The following HMCN1 variants were observed in gnomAD, a reference collection of about 807,000 sequenced individuals.
The protein encoded by HMCN1 is hemicentin-1.
Under a neutral mutation model 625.9 loss-of-function variants are expected in HMCN1, and 321 were observed. That is an observed-to-expected ratio of 0.51 (90% CI 0.47 to 0.56). The LOEUF (loss-of-function observed/expected upper bound fraction) is 0.56. Ranked by LOEUF, HMCN1 falls within the 20% of genes least tolerant of loss-of-function variation. The pLI, the probability that HMCN1 is intolerant of heterozygous loss-of-function variation, is 0.00. For missense variants in HMCN1, 6,588 were observed against 6,887.3 expected (o/e 0.96, Z 1.54); for synonymous variants, 2,425 against 2,417.6 (o/e 1.00, Z -0.09).
intron 26 of HMCN1, among the ~76,000 whole-genome samples, chr1:186,000,571 G>GTGTGTGTGTA (rs1488661349): frequency 2.2e-5 from 3 of 139,476 alleles, no homozygotes; most frequent in African/African-American, 9.8e-5. Context: ...GTGTGTGTGT[G>GTGTGTGTGTA]TGTGTGTGTG....
At chr1:185,865,582 TACACACACACACACACACACACAC>T (rs56891910) in intron 3 of HMCN1, among the ~76,000 whole-genome samples, 135 bp from the exon 4 acceptor site, 151 of 135,286 alleles carry the variant, frequency 1.1e-3, no homozygotes, top group African/African-American at 3.9e-3. Context: ...TATATAAGCA[TACACACACACACACACACACACAC>T]ACACACACAC....
intron 1 of HMCN1, among the ~76,000 whole-genome samples, chr1:185,835,265 G>C (rs187660794): frequency 6.6e-6 from 1 of 152,338 alleles, no homozygotes; most frequent in Non-Finnish European, 1.5e-5. Context: ...TGTGCTATCA[G>C]TTGGTATGGG....
At chr1:186,108,152 G>A (rs1369262588) in intron 70 of HMCN1, among the ~76,000 whole-genome samples, 1 of 150,912 alleles carries the variant, frequency 6.6e-6, no homozygotes, top group African/African-American at 2.4e-5. Flanking sequence ...ACTACCAAGT[G>A]TATAACCCGG....
chr1:186,122,786 A>C (rs939969465), intron 80 of HMCN1, among the ~76,000 whole-genome samples, 165 bp from the exon 81 acceptor site: 8 of 152,154 alleles, frequency 5.3e-5, no homozygotes, highest in African/African-American at 1.9e-4. Context: ...GCGCCCAGAT[A>C]ATTTTTTGTT....
intron 11 of HMCN1, among the ~76,000 whole-genome samples, chr1:185,954,984 C>A (rs928147380): frequency 6.6e-6 from 1 of 152,006 alleles, no homozygotes; most frequent in African/African-American, 2.4e-5. Context: ...GTGGAACTAT[C>A]CCCCAGGTAA....
chr1:185,917,751 C>A (rs777942137), intron 6 of HMCN1, among the ~76,000 whole-genome samples: 3 of 152,170 alleles, frequency 2.0e-5, no homozygotes, highest in Admixed American at 6.5e-5. Context: ...ATTTAACAGG[C>A]CTTCTTCGCC....
intron 79 of HMCN1, 45 bp downstream of exon 79, chr1:186,119,927 T>A: frequency 6.2e-7 from 1 of 1,614,006 alleles, no homozygotes; most frequent in Non-Finnish European, 8.5e-7. Flanking sequence ...AGCACATCAG[T>A]GTTTTATAAT....
At chr1:186,132,635 T>C (rs927564447) in intron 86 of HMCN1, among the ~76,000 whole-genome samples, 11 of 146,116 alleles carry the variant, frequency 7.5e-5, no homozygotes, top group African/African-American at 2.9e-4. Context: ...AGATTGCAAT[T>C]GATTGGTGGC....
chr1:185,995,186 AG>A (rs1318952383), intron 24 of HMCN1, 99 bp downstream of exon 24: 8 of 1,123,156 alleles, frequency 7.1e-6, no homozygotes, highest in Non-Finnish European at 1.1e-5. Flanking sequence ...AAATGACTTC[AG>A]AAAGAGTTCT....
chr1:185,950,667 A>G lies in HMCN1; in HGVS notation c.1829-11851A>G, dbSNP rs376359796. Among the ~76,000 whole-genome samples, 172 of 148,942 alleles carry G rather than the reference A, an allele frequency of 1.2e-3. 1 individual carries two copies. The highest frequency in any genetic ancestry group is 9.8e-4 in the East Asian group (5 of 5,120). On this transcript the variant is annotated intron_variant, in intron 11 of 106. Transcript: ENST00000271588. ...ATGGGGGCTGTCTGTGAAGCTTTGC[A>G]GCAGTACAGCCTAGGTAATTTGCTG...
chr1:186,044,460 AAC>A (rs1395209854), intron 40 of HMCN1, among the ~76,000 whole-genome samples: 4 of 152,192 alleles, frequency 2.6e-5, no homozygotes, highest in African/African-American at 9.6e-5. Context: ...CAGACATGGT[AAC>A]AGAGAAACCT....
At chr1:186,167,441 C>T (rs1651948318) in intron 100 of HMCN1, among the ~76,000 whole-genome samples, 1 of 152,184 alleles carries the variant, frequency 6.6e-6, no homozygotes, top group African/African-American at 2.4e-5. Flanking sequence ...ATCAATATCT[C>T]ACACCAGGGC....
rs1294969613 is a variant in HMCN1 at position 186,178,458 on chromosome 1, AGTGCTCC to A, written c.15987_15993del (p.Cys5330ThrfsTer17). 1.9e-6 allele frequency: 3 copies of A among 1,613,974 alleles called. No homozygotes were observed. Among genetic ancestry groups the A allele is most frequent in the Non-Finnish European group, 2.5e-6 (3 of 1,179,998 alleles). ...CAAGTGCCTAAACCTTGTGCACATC[AGTGCTCC>A]AACACCCCCGGCAGCTTCAAGTGTA... On this transcript the variant is annotated frameshift_variant, in exon 104 of 107. Coordinates refer to ENST00000271588, the MANE Select transcript of HMCN1 (RefSeq NM_031935.3). LOFTEE classifies it high-confidence loss of function.
At chr1:186,084,336 C>T (rs763333303) in intron 57 of HMCN1, among the ~76,000 whole-genome samples, 18 of 152,118 alleles carry the variant, frequency 1.2e-4, no homozygotes, top group Non-Finnish European at 2.2e-4. Flanking sequence ...ACAGTAGAAA[C>T]ACCTGAAGTG....
intron 60 of HMCN1, 35 bp downstream of exon 60, chr1:186,087,680 C>G: frequency 6.3e-7 from 1 of 1,582,686 alleles, no homozygotes; most frequent in Non-Finnish European, 8.7e-7. Context: ...TGTCATGACA[C>G]CTTGGTGGGG....
In HMCN1 at chr1:186,119,731, T is replaced by C; in HGVS notation, c.11957-14T>C. Reference sequence around the variant, plus strand: ...AGTGCTATTACTTCTTTTTGTTGATTGGTTTTTTTATAGAGCCTCCAGTCA... The same window carrying C: ...AGTGCTATTACTTCTTTTTGTTGATCGGTTTTTTTATAGAGCCTCCAGTCA... On this transcript the variant is annotated splice_polypyrimidine_tract_variant and intron_variant, in intron 78 of 106. Transcript: ENST00000271588. 6.2e-7 allele frequency: 1 copy of C among 1,613,664 alleles called. No homozygotes were observed.
chr1:185,885,084 T>TG lies in HMCN1; in HGVS notation c.621+19222dup, dbSNP rs150965400. Reference sequence around the variant, plus strand: ...CATCCTTGGACATGCCTTCATTTTATGTTTTTTTTTTGGTAGTGGTCCTTG... The same window carrying TG: ...CATCCTTGGACATGCCTTCATTTTATGGTTTTTTTTTTGGTAGTGGTCCTTG... On this transcript the variant is annotated intron_variant, in intron 4 of 106. Transcript: ENST00000271588. 7.7e-3 allele frequency among the ~76,000 whole-genome samples: 1,149 copies of TG among 149,136 alleles called. 13 individuals are homozygous for TG. Among genetic ancestry groups the TG allele is most frequent in the African/African-American group, 0.027 (1,031 of 38,840 alleles).
intron 4 of HMCN1, among the ~76,000 whole-genome samples, chr1:185,892,913 G>T (rs974269596): frequency 1.2e-4 from 18 of 152,208 alleles, no homozygotes; most frequent in Admixed American, 5.2e-4. Flanking sequence ...CCCCAGCCTC[G>T]CTGCCGCCTT....
Position 185,818,037 on chromosome 1 carries a change from T to C in HMCN1, c.269-27989T>C, listed in dbSNP as rs114962254. 9.0e-3 allele frequency among the ~76,000 whole-genome samples: 1,365 copies of C among 152,326 alleles called. 30 individuals are homozygous for C. The highest frequency in any genetic ancestry group is 0.032 in the African/African-American group (1,319 of 41,564). ...AGCCCAACTCCTTCTTCAAAACTTA[T>C]ATTATTTATTATTTCTTCTGGACTT... On this transcript the variant is annotated intron_variant, in intron 1 of 106. Coordinates refer to ENST00000271588, the MANE Select transcript of HMCN1 (RefSeq NM_031935.3).
Sources: gnomAD v4.1 joint callset for allele counts (sites outside exome capture counted in the v4.1 genomes callset) on GRCh38, gnomAD v4.1.1 for gene constraint, MANE v1.5 for transcripts, NCBI Gene and HGNC (gene_info 2026-07-23, HGNC 2026-07-21) for gene names.